FRMD4A: variants seen among roughly 807,000 people sequenced by gnomAD.
FRMD4A encodes FERM domain containing 4A.
Under a neutral mutation model 129.1 loss-of-function variants are expected in FRMD4A, and 29 were observed. The ratio of observed to expected loss-of-function variants is 0.22; its 90% confidence interval spans 0.17 to 0.31. The LOEUF (loss-of-function observed/expected upper bound fraction) is 0.31, where lower values mean the gene tolerates loss of function less well. Ranked by LOEUF, FRMD4A falls within the 10% of genes least tolerant of loss-of-function variation. FRMD4A has a pLI of 1.00. For synonymous variants in FRMD4A, 634 were observed against 571.6 expected, an observed-to-expected ratio of 1.11 and a Z score of -1.56; for missense variants, 1,272 against 1,375.8, an observed-to-expected ratio of 0.92 and a Z score of 1.19.
At chr10:13,917,760 G>A (rs532733787) in intron 2 of FRMD4A, among the ~76,000 whole-genome samples, 4 of 152,260 alleles carry the variant, frequency 2.6e-5, no homozygotes, top group Non-Finnish European at 5.9e-5. Flanking sequence ...GGCACCGAAG[G>A]TCCCTCTCTT....
chr10:13,805,619 G>T (rs1424260524), intron 4 of FRMD4A, among the ~76,000 whole-genome samples: 3 of 152,120 alleles, frequency 2.0e-5, no homozygotes, highest in Non-Finnish European at 4.4e-5. Context: ...GTTAGTTATA[G>T]GCTATAGCTT....
intron 8 of FRMD4A, among the ~76,000 whole-genome samples, chr10:13,759,994 A>G (rs1479711631): frequency 6.6e-6 from 1 of 152,022 alleles, no homozygotes; most frequent in Non-Finnish European, 1.5e-5. Context: ...TGTATTACCC[A>G]TGAACTAAGG....
At chr10:14,295,727 G>A (rs1845987730) in intron 2 of FRMD4A, among the ~76,000 whole-genome samples, 1 of 152,138 alleles carries the variant, frequency 6.6e-6, no homozygotes, top group Non-Finnish European at 1.5e-5. Flanking sequence ...GGGAGAGGGG[G>A]AGTTGGCAGA....
At chr10:14,050,721 C>T (rs1252531442) in intron 2 of FRMD4A, among the ~76,000 whole-genome samples, 1 of 152,124 alleles carries the variant, frequency 6.6e-6, no homozygotes, top group Non-Finnish European at 1.5e-5. Flanking sequence ...TAATGAAACT[C>T]CAATAAAACC....
intron 15 of FRMD4A, among the ~76,000 whole-genome samples, chr10:13,690,750 G>A (rs1362255930): frequency 1.3e-5 from 2 of 152,206 alleles, no homozygotes; most frequent in Non-Finnish European, 2.9e-5. Flanking sequence ...GGCCCCAGCT[G>A]CTACTACTAA....
At position 14,306,701 on chromosome 10, in the gene FRMD4A, A is replaced by G. The variant is rs78847581; in HGVS notation, c.45+23357T>C. Among the ~76,000 whole-genome samples, 1,229 of 152,350 alleles carry G rather than the reference A, an allele frequency of 8.1e-3. 103 individuals carry two copies. The East Asian group carries it at 0.19, about 23-fold the overall frequency. Reference sequence around the variant, plus strand: ...ATGCACTAGTTACAAAAAAGAAGAAAGGTGGAGATAATGACTCAGTGGACA... The same window carrying G: ...ATGCACTAGTTACAAAAAAGAAGAAGGGTGGAGATAATGACTCAGTGGACA... On this transcript the variant is annotated intron_variant, in intron 2 of 24. Coordinates refer to ENST00000357447, the MANE Select transcript of FRMD4A (RefSeq NM_018027.5).
chr10:13,846,716 A>G (rs1216258598), intron 3 of FRMD4A, among the ~76,000 whole-genome samples: 9 of 152,154 alleles, frequency 5.9e-5, no homozygotes, highest in Admixed American at 3.9e-4. Flanking sequence ...TCTCTGATAC[A>G]CTGTCTCTCG....
At chr10:14,103,327 A>T (rs1271627251) in intron 2 of FRMD4A, among the ~76,000 whole-genome samples, 1 of 152,258 alleles carries the variant, frequency 6.6e-6, no homozygotes, top group African/African-American at 2.4e-5. Flanking sequence ...GGGTCTTAAT[A>T]GAAATCTCCT....
intron 2 of FRMD4A, among the ~76,000 whole-genome samples, chr10:14,278,724 A>G (rs1845422003): frequency 6.6e-6 from 1 of 152,164 alleles, no homozygotes. Flanking sequence ...TGACCACGAG[A>G]AAGAGGCTGT....
chr10:14,307,219 T>C (rs933312830), intron 2 of FRMD4A, among the ~76,000 whole-genome samples: 1 of 152,234 alleles, frequency 6.6e-6, no homozygotes. Context: ...AAGCTACTCA[T>C]TTAGAACCCA....
chr10:14,166,981 T>C (rs1265550901), intron 2 of FRMD4A, among the ~76,000 whole-genome samples: 6 of 152,140 alleles, frequency 3.9e-5, no homozygotes, highest in Non-Finnish European at 8.8e-5. Context: ...CAACATACAA[T>C]GGGATAAATA....
At chr10:14,105,523 T>C (rs1837542125) in intron 2 of FRMD4A, among the ~76,000 whole-genome samples, 1 of 152,348 alleles carries the variant, frequency 6.6e-6, no homozygotes, top group South Asian at 2.1e-4. Context: ...TAATACATTG[T>C]CACTTATAAC....
intron 2 of FRMD4A, among the ~76,000 whole-genome samples, chr10:14,208,187 C>T (rs545126207): frequency 5.1e-4 from 77 of 152,180 alleles, no homozygotes; most frequent in Non-Finnish European, 9.7e-4. Context: ...CAGAGCCAGA[C>T]CCAGCCTCAA....
At chr10:13,811,008 C>A in intron 3 of FRMD4A, 100 bp from the exon 4 acceptor site, 1 of 630,248 alleles carries the variant, frequency 1.6e-6, no homozygotes, top group Non-Finnish European at 2.8e-6. Context: ...TGAAATGTCA[C>A]AAAGCTCAAG....
intron 2 of FRMD4A, among the ~76,000 whole-genome samples, chr10:14,127,130 G>T (rs781238910): frequency 7.2e-5 from 11 of 152,190 alleles, no homozygotes; most frequent in Non-Finnish European, 1.5e-4. Context: ...CCACAGGAGG[G>T]AGGCAGGAAA....
chr10:13,719,142 C>A (rs534346520), intron 12 of FRMD4A, among the ~76,000 whole-genome samples: 2 of 152,270 alleles, frequency 1.3e-5, no homozygotes, highest in African/African-American at 4.8e-5. Context: ...ATGTGAGGAA[C>A]CTCCAGTGGC....
chr10:13,945,736 G>C (rs755195716), intron 2 of FRMD4A, among the ~76,000 whole-genome samples: 1 of 152,144 alleles, frequency 6.6e-6, no homozygotes, highest in Admixed American at 6.5e-5. Flanking sequence ...TGATTATAGA[G>C]CCAGGGTCAC....
chr10:13,820,124 T>C (rs1231772140), intron 3 of FRMD4A, among the ~76,000 whole-genome samples: 1 of 152,182 alleles, frequency 6.6e-6, no homozygotes, highest in African/African-American at 2.4e-5. Flanking sequence ...CACTAGAAGC[T>C]GGAAGAGGTG....
rs59818032 is a variant in FRMD4A, at chr10:13,679,474, T to TACACACACACACACACACACACACACAC, written c.1118-4458_1118-4431dup. 2.3e-3 allele frequency among the ~76,000 whole-genome samples: 72 copies of TACACACACACACACACACACACACACAC among 31,466 alleles called. 1 individual carries two copies. Among genetic ancestry groups the TACACACACACACACACACACACACACAC allele is most frequent in the East Asian group, 0.019 (6 of 324 alleles). 20.6% of individuals were successfully genotyped at this position (31,466 alleles called of 152,430 possible). On this transcript the variant is annotated intron_variant, in intron 15 of 24. Coordinates refer to ENST00000357447, the MANE Select transcript of FRMD4A (RefSeq NM_018027.5). ...AAAAAAAAAAAAATATATATATATA[T>TACACACACACACACACACACACACACAC]ACACACACACACACACACACACACA...
Sources: allele counts gnomAD v4.1 joint callset (sites outside exome capture counted in the v4.1 genomes callset), GRCh38; gene constraint gnomAD v4.1.1; transcripts MANE v1.5; gene names NCBI Gene and HGNC (gene_info 2026-07-23, HGNC 2026-07-21).